LRP1B: variants seen among roughly 807,000 people sequenced by gnomAD.
LRP1B encodes the protein LDL receptor related protein 1B, also known as low-density lipoprotein receptor-related protein 1B.
Under a neutral mutation model 556.6 loss-of-function variants are expected in LRP1B, and 217 were observed. That is an observed-to-expected ratio of 0.39 (90% CI 0.35 to 0.44). The LOEUF is 0.44. LRP1B is among the 20% of genes least tolerant of loss of function. LRP1B has a pLI of 1.00. For synonymous variants in LRP1B, 2,047 were observed against 1,865.8 expected (o/e 1.10, Z -2.50); for missense variants, 5,053 against 5,620.8 (o/e 0.90, Z 3.23).
chr2:141,558,561 A>C (rs1686041231), intron 2 of LRP1B, among the ~76,000 whole-genome samples: 1 of 151,880 alleles, frequency 6.6e-6, no homozygotes, highest in African/African-American at 2.4e-5. Context: ...CCTACAGAGC[A>C]TATTAATATA....
chr2:141,596,068 T>C (rs895703045), intron 2 of LRP1B, among the ~76,000 whole-genome samples: 1 of 151,948 alleles, frequency 6.6e-6, no homozygotes, highest in Non-Finnish European at 1.5e-5. Flanking sequence ...TATTTTTATG[T>C]GGACATTGAT....
Position 140,702,212 on chromosome 2 carries a change from C to T in LRP1B, c.6231G>A (p.Met2077Ile), listed in dbSNP as rs1272536758. The T allele has an allele frequency of 6.2e-7, 1 of 1,613,754 alleles. No homozygotes were observed. Residue 2077 changes from methionine (M) to isoleucine (I), a missense_variant, in exon 39 of 91, where the codon ATG becomes ATA. Met to Ile is a conservative substitution (Grantham distance 10). This residue lies in a region of LRP1B where 3,619 missense variants were observed against 3,931.9 expected (regional missense o/e 0.92). Transcript: ENST00000389484. The part of the protein sequence containing the change: ...IDLETGGNRE[M>I]VLSGSNVDMF... ...TATCCACATTGCTTCCTGACAGCAC[C>T]ATCTCGCGATTCCCTCCAGTCTCAA...
chr2:141,122,336 T>G (rs552377811), intron 7 of LRP1B, among the ~76,000 whole-genome samples: 43 of 151,600 alleles, frequency 2.8e-4, no homozygotes, highest in African/African-American at 1.0e-3. Flanking sequence ...GGGAGAAAAT[T>G]TTTGCAATCT....
At chr2:141,036,685 T>C (rs1157926025) in intron 11 of LRP1B, among the ~76,000 whole-genome samples, 1 of 151,786 alleles carries the variant, frequency 6.6e-6, no homozygotes, top group Non-Finnish European at 1.5e-5. Context: ...ACTACAAACT[T>C]GTTAGTCATA....
At chr2:141,864,563 G>GAAAA (rs11320074) in intron 1 of LRP1B, among the ~76,000 whole-genome samples, 5 of 144,074 alleles carry the variant, frequency 3.5e-5, no homozygotes, top group Admixed American at 6.8e-5. Context: ...AATCTTGAGG[G>GAAAA]AAAAAAAAAA....
intron 1 of LRP1B, among the ~76,000 whole-genome samples, chr2:141,848,910 G>A (rs527403167): frequency 1.1e-4 from 17 of 151,552 alleles, no homozygotes; most frequent in African/African-American, 3.9e-4. Context: ...AGATGTCCAG[G>A]GGAGTGCCTG....
intron 66 of LRP1B, among the ~76,000 whole-genome samples, chr2:140,410,562 A>G (rs572737085): frequency 2.6e-5 from 4 of 152,264 alleles, no homozygotes; most frequent in African/African-American, 9.6e-5. Context: ...AAAAAACACT[A>G]TGCTTGAGCT....
chr2:140,712,517 C>T (rs986713245), intron 37 of LRP1B, among the ~76,000 whole-genome samples: 11 of 151,950 alleles, frequency 7.2e-5, no homozygotes, highest in African/African-American at 2.4e-4. Flanking sequence ...TTTGTCTCCC[C>T]TTTACGTTCA....
At chr2:140,472,578 G>T (rs1011903611) in intron 60 of LRP1B, among the ~76,000 whole-genome samples, 1 of 151,998 alleles carries the variant, frequency 6.6e-6, no homozygotes, top group East Asian at 1.9e-4. Context: ...AGCAAAGAAA[G>T]AGGAATGGAA....
chr2:141,978,452 T>C (rs1056209277), intron 1 of LRP1B, among the ~76,000 whole-genome samples: 2 of 152,078 alleles, frequency 1.3e-5, no homozygotes, highest in African/African-American at 2.4e-5. Flanking sequence ...TAATAACTTA[T>C]AGAGTTTAAC....
chr2:141,202,429 C>A (rs1269828205), intron 6 of LRP1B, among the ~76,000 whole-genome samples: 1 of 152,110 alleles, frequency 6.6e-6, no homozygotes, highest in Non-Finnish European at 1.5e-5. Context: ...TGGGTATATA[C>A]CCAGTAACGG....
intron 2 of LRP1B, among the ~76,000 whole-genome samples, chr2:141,599,612 G>A (rs991978117): frequency 7.9e-5 from 12 of 151,908 alleles, no homozygotes; most frequent in South Asian, 2.1e-4. Context: ...TCTATTTTTC[G>A]ATATGTACAA....
At chr2:141,995,457 A>G (rs1346263264) in intron 1 of LRP1B, among the ~76,000 whole-genome samples, 1 of 152,056 alleles carries the variant, frequency 6.6e-6, no homozygotes, top group Non-Finnish European at 1.5e-5. Flanking sequence ...CTGTGATTAC[A>G]TTGGGCCCAC....
chr2:140,600,632 T>C (rs1682617203), intron 42 of LRP1B, among the ~76,000 whole-genome samples: 1 of 152,020 alleles, frequency 6.6e-6, no homozygotes, highest in Admixed American at 6.6e-5. Context: ...TTGGTCTGAT[T>C]TTTGTTTACT....
chr2:141,058,032 T>A (rs1352221876), intron 9 of LRP1B, among the ~76,000 whole-genome samples: 1 of 151,912 alleles, frequency 6.6e-6, no homozygotes, highest in East Asian at 1.9e-4. Context: ...TGTAAACTCA[T>A]AAAGGCAAGA....
intron 11 of LRP1B, among the ~76,000 whole-genome samples, chr2:141,036,643 C>G (rs1230557631): frequency 1.3e-5 from 2 of 151,988 alleles, no homozygotes; most frequent in Non-Finnish European, 2.9e-5. Context: ...GCCATATGTC[C>G]CTGAGGGAGG....
At position 140,540,916 on chromosome 2, in the gene LRP1B, ATG is replaced by A. The variant is rs926308219; in HGVS notation, c.7513+55_7513+56del. On this transcript the variant is annotated intron_variant, in intron 45 of 90. Coordinates refer to ENST00000389484, the MANE Select transcript of LRP1B (RefSeq NM_018557.3). Reference sequence around the variant, plus strand: ...TGAATACACTAACACAATTTCAGTGATGTGTGTGGAATTTGGAACAGATTTGT... The same window carrying A: ...TGAATACACTAACACAATTTCAGTGATGTGTGGAATTTGGAACAGATTTGT... 6 of 1,548,168 alleles carry A rather than the reference ATG, an allele frequency of 3.9e-6. No individual in the cohort carries two copies. In the African/African-American group the frequency reaches 8.2e-5, roughly 21 times the overall value.
chr2:140,641,804 A>G (rs1415695155), intron 41 of LRP1B, among the ~76,000 whole-genome samples: 1 of 152,240 alleles, frequency 6.6e-6, no homozygotes, highest in Non-Finnish European at 1.5e-5. Flanking sequence ...GAAACAGTTA[A>G]TACTTTGTTT....
intron 3 of LRP1B, among the ~76,000 whole-genome samples, chr2:141,285,455 C>CTTT (rs1170251213): frequency 2.7e-5 from 3 of 110,624 alleles, no homozygotes; most frequent in African/African-American, 3.8e-5. Flanking sequence ...ATTTTTTTTT[C>CTTT]TTTTTTTTTT....
Sources: allele counts gnomAD v4.1 joint callset (sites outside exome capture counted in the v4.1 genomes callset), GRCh38; gene constraint gnomAD v4.1.1; regional missense constraint gnomAD v4.1.1; transcripts MANE v1.5; gene names NCBI Gene and HGNC (gene_info 2026-07-23, HGNC 2026-07-21).